Variants in DOK5 observed in about 807,000 individuals in gnomAD.
The protein encoded by DOK5 is docking protein 5, also known as downstream of tyrosine kinase 5.
Under a neutral mutation model 43.3 loss-of-function variants are expected in DOK5, and 27 were observed. That is an observed-to-expected ratio of 0.62 (90% CI 0.46 to 0.86). The LOEUF is 0.86. DOK5 is among the 40% of genes least tolerant of loss of function. DOK5 has a pLI of 0.00. For synonymous variants in DOK5, 146 were observed against 140.1 expected (o/e 1.04, Z -0.30); for missense variants, 373 against 392.9 (o/e 0.95, Z 0.43).
At chr20:54,604,164 T>A (rs1485765934) in intron 5 of DOK5, among the ~76,000 whole-genome samples, 1 of 151,936 alleles carries the variant, frequency 6.6e-6, no homozygotes, top group African/African-American at 2.4e-5. Flanking sequence ...GCCAGGATGG[T>A]CTCGATCTCC....
intron 1 of DOK5, among the ~76,000 whole-genome samples, chr20:54,489,299 T>C (rs1982069020): frequency 6.6e-6 from 1 of 152,172 alleles, no homozygotes; most frequent in Admixed American, 6.6e-5. Flanking sequence ...AGAGTAGAGT[T>C]TCCTTTCATC....
chr20:54,638,490 G>A (rs888483169), intron 6 of DOK5, among the ~76,000 whole-genome samples: 3 of 152,162 alleles, frequency 2.0e-5, no homozygotes, highest in African/African-American at 7.2e-5. Context: ...AAGAAGTTTG[G>A]CCGTTAGCAT....
chr20:54,554,922 T>A lies in DOK5; in HGVS notation c.67-11T>A. 5 of 1,583,704 alleles carry A rather than the reference T, an allele frequency of 3.2e-6. No individual in the cohort carries two copies. The highest frequency in any genetic ancestry group is 4.3e-6 in the Non-Finnish European group (5 of 1,152,320). The stretch of plus-strand genomic sequence containing the variant: ...GGAGATGCTGAGCTCAGTCTTTGTA[T>A]TTCCTTCCAGATTTATCAGCGATGC... On this transcript the variant is annotated splice_polypyrimidine_tract_variant and intron_variant, in intron 1 of 7. Coordinates refer to ENST00000262593, the MANE Select transcript of DOK5 (RefSeq NM_018431.5).
At chr20:54,637,512 A>G (rs932322240) in intron 6 of DOK5, among the ~76,000 whole-genome samples, 20 of 152,238 alleles carry the variant, frequency 1.3e-4, no homozygotes, top group African/African-American at 4.6e-4. Flanking sequence ...TACACATAAG[A>G]AAGATCTTTC....
chr20:54,479,796 GT>G (rs886658851), intron 1 of DOK5, among the ~76,000 whole-genome samples: 73 of 152,084 alleles, frequency 4.8e-4, no homozygotes, highest in African/African-American at 1.7e-3. Context: ...TGCTCCTAGA[GT>G]CCTCTCCATC....
intron 1 of DOK5, among the ~76,000 whole-genome samples, chr20:54,536,191 A>G (rs750259754): frequency 6.6e-6 from 1 of 152,224 alleles, no homozygotes; most frequent in Non-Finnish European, 1.5e-5. Flanking sequence ...CTTGAGGTCA[A>G]TTTGTGGAGG....
intron 6 of DOK5, among the ~76,000 whole-genome samples, chr20:54,615,907 A>AAG (rs1394915912): frequency 6.6e-5 from 10 of 151,566 alleles, no homozygotes; most frequent in African/African-American, 2.4e-4. Flanking sequence ...CTCAAAAAAA[A>AAG]AAAGGCATAA....
intron 1 of DOK5, among the ~76,000 whole-genome samples, chr20:54,511,435 A>T (rs189238074): frequency 8.5e-5 from 13 of 152,362 alleles, no homozygotes; most frequent in Admixed American, 6.5e-4. Context: ...TGAACCAAAG[A>T]AAGTAAAGTA....
rs142631370 is a variant in DOK5, at chr20:54,616,305, G to A, written c.735+5782G>A. On this transcript the variant is annotated intron_variant, in intron 6 of 7. Transcript: ENST00000262593. ...ATCTTTGAATCAAGCCCCTAGACACGTTTTCTTTATCCTACATGAGATTAA... is the reference window on the plus strand; with the variant it reads ...ATCTTTGAATCAAGCCCCTAGACACATTTTCTTTATCCTACATGAGATTAA... Among the ~76,000 whole-genome samples the A allele has an allele frequency of 7.0e-3, 1,065 of 152,214 alleles. 8 individuals carry two copies. The highest frequency in any genetic ancestry group is 0.01 in the Middle Eastern group (3 of 294).
At chr20:54,641,359 A>G (rs1005271161) in intron 6 of DOK5, among the ~76,000 whole-genome samples, 1 of 152,104 alleles carries the variant, frequency 6.6e-6, no homozygotes, top group African/African-American at 2.4e-5. Context: ...GTTGAATCTC[A>G]TGAACTACAA....
intron 2 of DOK5, among the ~76,000 whole-genome samples, chr20:54,584,774 T>TACACACAC (rs139033675): frequency 2.3e-4 from 34 of 146,592 alleles, no homozygotes; most frequent in Admixed American, 5.5e-4. Flanking sequence ...TATCTAGATA[T>TACACACAC]ACACACACAC....
intron 1 of DOK5, among the ~76,000 whole-genome samples, chr20:54,484,684 T>G (rs1981859022): frequency 6.6e-6 from 1 of 152,188 alleles, no homozygotes; most frequent in Non-Finnish European, 1.5e-5. Flanking sequence ...ACCACTAATC[T>G]GTTTTCCTTT....
rs371240903 is a variant in DOK5 at position 54,477,658 on chromosome 20, A to C, written c.66+1646A>C. On this transcript the variant is annotated intron_variant, in intron 1 of 7. Coordinates refer to ENST00000262593, the MANE Select transcript of DOK5 (RefSeq NM_018431.5). ...AAGGGGAGTTAAGTTAAAAAAAAAAAAAACCCAGCATTCTAATTTAGCTTT... is the reference window on the plus strand; with the variant it reads ...AAGGGGAGTTAAGTTAAAAAAAAAACAAACCCAGCATTCTAATTTAGCTTT... Among the ~76,000 whole-genome samples, 365 of 150,608 alleles carry C rather than the reference A, an allele frequency of 2.4e-3. 2 individuals are homozygous for C. The highest frequency in any genetic ancestry group is 0.01 in the Middle Eastern group (3 of 294).
chr20:54,526,697 C>A (rs1473221507), intron 1 of DOK5, among the ~76,000 whole-genome samples: 1 of 152,052 alleles, frequency 6.6e-6, no homozygotes, highest in African/African-American at 2.4e-5. Flanking sequence ...TCAGAAATAC[C>A]TGGAACACCT....
chr20:54,593,480 A>G (rs1335562955), intron 5 of DOK5, among the ~76,000 whole-genome samples: 1 of 152,186 alleles, frequency 6.6e-6, no homozygotes, highest in Non-Finnish European at 1.5e-5. Context: ...ATAAACCTTT[A>G]ATGTTGAGAG....
intron 4 of DOK5, 109 bp from the exon 5 acceptor site, chr20:54,591,507 G>T: frequency 1.2e-6 from 1 of 846,538 alleles, no homozygotes; most frequent in Non-Finnish European, 1.8e-6. Flanking sequence ...ATATGCAACC[G>T]AAATCTAGAA....
At chr20:54,480,720 C>T (rs558863148) in intron 1 of DOK5, among the ~76,000 whole-genome samples, 1 of 152,284 alleles carries the variant, frequency 6.6e-6, no homozygotes, top group African/African-American at 2.4e-5. Context: ...GGTGACTTTC[C>T]ATATACTGCA....
At chr20:54,487,892 C>T (rs1182762233) in intron 1 of DOK5, among the ~76,000 whole-genome samples, 3 of 152,150 alleles carry the variant, frequency 2.0e-5, no homozygotes, top group Admixed American at 6.5e-5. Context: ...TAGCAAGTCT[C>T]GTCAATGGAC....
intron 1 of DOK5, among the ~76,000 whole-genome samples, chr20:54,496,765 CAAAA>C (rs74179280): frequency 1.7e-5 from 1 of 59,506 alleles, no homozygotes; most frequent in Non-Finnish European, 3.7e-5. Context: ...GACTCCGTCT[CAAAA>C]AAAAAAAAAA....
Sources: gnomAD v4.1 joint callset for allele counts (sites outside exome capture counted in the v4.1 genomes callset) on GRCh38, gnomAD v4.1.1 for gene constraint, MANE v1.5 for transcripts, NCBI Gene and HGNC (gene_info 2026-07-23, HGNC 2026-07-21) for gene names.